RAB3C: variants seen among roughly 807,000 people sequenced by gnomAD.
The protein encoded by RAB3C is ras-related protein Rab-3C.
RAB3C carries 17 observed loss-of-function variants against 26.4 expected under a neutral mutation model. The ratio of observed to expected loss-of-function variants is 0.64; its 90% CI spans 0.44 to 0.97. The LOEUF (loss-of-function observed/expected upper bound fraction) is 0.97. Ranked by LOEUF, RAB3C falls within the 50% of genes least tolerant of loss-of-function variation. The pLI is 0.00. For missense variants in RAB3C, 242 were observed against 281.9 expected, an observed-to-expected ratio of 0.86 and a Z score of 1.01; for synonymous variants, 91 against 95.9, an observed-to-expected ratio of 0.95 and a Z score of 0.30.
chr5:58,830,879 C>CT (rs5868141), intron 4 of RAB3C, among the ~76,000 whole-genome samples: 6 of 150,606 alleles, frequency 4.0e-5, no homozygotes, highest in Non-Finnish European at 8.9e-5. Flanking sequence ...CGCAATAGGT[C>CT]TTTTTTTTTT....
intron 2 of RAB3C, among the ~76,000 whole-genome samples, chr5:58,659,959 A>G (rs1394964226): frequency 6.6e-6 from 1 of 152,104 alleles, no homozygotes; most frequent in Non-Finnish European, 1.5e-5. Context: ...ACATGCCACC[A>G]TGCCTGGCTA....
intron 3 of RAB3C, among the ~76,000 whole-genome samples, chr5:58,733,770 A>G (rs2111933608): frequency 6.6e-6 from 1 of 152,306 alleles, no homozygotes; most frequent in Middle Eastern, 3.4e-3. Context: ...ACTGGGTTTC[A>G]ATTAGAACAT....
At chr5:58,730,213 T>C (rs1197706707) in intron 3 of RAB3C, among the ~76,000 whole-genome samples, 2 of 151,786 alleles carry the variant, frequency 1.3e-5, no homozygotes, top group Non-Finnish European at 2.9e-5. Context: ...CTTATTTATC[T>C]GTATTTCCTT....
At chr5:58,589,904 G>A (rs901156890) in intron 1 of RAB3C, among the ~76,000 whole-genome samples, 2 of 152,186 alleles carry the variant, frequency 1.3e-5, no homozygotes, top group Non-Finnish European at 2.9e-5. Flanking sequence ...GGGTGAAGAT[G>A]AAGAAGGCTG....
intron 3 of RAB3C, among the ~76,000 whole-genome samples, chr5:58,781,114 A>C (rs2112001772): frequency 6.6e-6 from 1 of 152,120 alleles, no homozygotes. Context: ...AACCCCTCTA[A>C]AAATGAATGA....
At chr5:58,759,605 G>A (rs77438855) in intron 3 of RAB3C, among the ~76,000 whole-genome samples, 2,020 of 152,280 alleles carry the variant, frequency 0.013, 19 homozygotes, top group Middle Eastern at 0.071. Flanking sequence ...TATCAAGTTT[G>A]CATTCATACT....
chr5:58,788,430 A>G (rs1742442729), intron 3 of RAB3C: 1 of 152,198 alleles, frequency 6.6e-6, no homozygotes, highest in Admixed American at 6.5e-5. Context: ...GCTGAATTCT[A>G]TTATTTTGAG....
At chr5:58,694,300 A>G (rs1748645725) in intron 2 of RAB3C, among the ~76,000 whole-genome samples, 1 of 152,186 alleles carries the variant, frequency 6.6e-6, no homozygotes, top group South Asian at 2.1e-4. Flanking sequence ...TCCATGGTGT[A>G]TATGTGCCAC....
chr5:58,671,471 G>A lies in RAB3C; in HGVS notation c.252+53601G>A, dbSNP rs182741206. Among the ~76,000 whole-genome samples, 76 of 152,162 alleles carry A rather than the reference G, an allele frequency of 5.0e-4. 1 individual carries two copies. Among genetic ancestry groups the A allele is most frequent in the Admixed American group, 3.6e-3 (55 of 15,274 alleles). The stretch of plus-strand genomic sequence containing the variant: ...AGTTAGGATTCTTACATCAACTTGC[G>A]TATTTTCCAGTGTATTTTCTTGGAT... On this transcript the variant is annotated intron_variant, in intron 2 of 4. Transcript: ENST00000282878.
At chr5:58,662,026 A>C (rs749911261) in intron 2 of RAB3C, among the ~76,000 whole-genome samples, 3 of 150,130 alleles carry the variant, frequency 2.0e-5, no homozygotes, top group Non-Finnish European at 4.4e-5. Context: ...ATTTGATGGA[A>C]TCAGGTCAGG....
chr5:58,774,076 C>T (rs1742078278), intron 3 of RAB3C, among the ~76,000 whole-genome samples: 1 of 152,172 alleles, frequency 6.6e-6, no homozygotes, highest in Non-Finnish European at 1.5e-5. Context: ...CTTGCTCTGA[C>T]ATCACTGAGA....
intron 2 of RAB3C, among the ~76,000 whole-genome samples, chr5:58,675,219 A>C (rs1171381737): frequency 6.6e-6 from 1 of 151,650 alleles, no homozygotes; most frequent in African/African-American, 2.4e-5. Flanking sequence ...GTATCCTGTT[A>C]TTTTCAGCTC....
rs1748646538 is a variant in RAB3C, at chr5:58,694,334, T to G, written c.253-31668T>G. 2.6e-5 allele frequency among the ~76,000 whole-genome samples: 4 copies of G among 152,350 alleles called. No homozygotes were observed. The South Asian group carries it at 8.3e-4, about 32-fold the overall frequency. On this transcript the variant is annotated intron_variant, in intron 2 of 4. Transcript: ENST00000282878. ...ACATTTTCTTAATCTAGTCTATCAT[T>G]GATGGACATTTGGGTTGGTTTCAAG...
chr5:58,782,613 A>G (rs1454722371), intron 3 of RAB3C, among the ~76,000 whole-genome samples: 1 of 152,182 alleles, frequency 6.6e-6, no homozygotes, highest in African/African-American at 2.4e-5. Context: ...CAGCCGAAAC[A>G]TGAAAATTAA....
chr5:58,792,884 A>G (rs1014236185), intron 3 of RAB3C, among the ~76,000 whole-genome samples: 1 of 152,022 alleles, frequency 6.6e-6, no homozygotes, highest in South Asian at 2.1e-4. Context: ...ATTGTTAGTA[A>G]TTGTTAGAAT....
At position 58,648,647 on chromosome 5, in the gene RAB3C, A is replaced by G. The variant is rs369573066; in HGVS notation, c.252+30777A>G. ...TATTTCATAGCCTCTAAGAGAGACAAGTCTGAACTTAGAATTTGCTCATCT... is the reference window on the plus strand; with the variant it reads ...TATTTCATAGCCTCTAAGAGAGACAGGTCTGAACTTAGAATTTGCTCATCT... On this transcript the variant is annotated intron_variant, in intron 2 of 4. Coordinates refer to ENST00000282878, the MANE Select transcript of RAB3C (RefSeq NM_138453.4). Among the ~76,000 whole-genome samples, 64 of 152,340 alleles carry G rather than the reference A, an allele frequency of 4.2e-4. No homozygotes were observed. The East Asian group carries it at 0.01, about 25-fold the overall frequency.
rs1252116962 is a variant in RAB3C, at chr5:58,858,657, A to G, written c.*7306A>G. 1 of 152,194 alleles carries G rather than the reference A, an allele frequency of 6.6e-6. No individual in the cohort carries two copies. The highest frequency in any genetic ancestry group is 1.5e-5 in the Non-Finnish European group (1 of 68,036). The allele number at this position is 152,194 out of a possible 1,614,324, so 9.4% of individuals were successfully genotyped here. A position where few individuals can be genotyped will look rare whatever the true frequency, so the allele number is the denominator to read the frequency against. Reference sequence around the variant, plus strand: ...GCCAGGAAAATAAGTGGGAAAGGCCACAGTTATGTTTCCTTTGAATGGAAG... The same window carrying G: ...GCCAGGAAAATAAGTGGGAAAGGCCGCAGTTATGTTTCCTTTGAATGGAAG... On this transcript the variant is annotated 3_prime_UTR_variant, in exon 5 of 5. Transcript: ENST00000282878.
At position 58,797,354 on chromosome 5, in the gene RAB3C, ATATGTATATATATAATATATAT is replaced by A. The variant is rs1333130084; in HGVS notation, c.372-27683_372-27662del. On this transcript the variant is annotated intron_variant, in intron 3 of 4. Transcript: ENST00000282878. The stretch of plus-strand genomic sequence containing the variant: ...CCCTGGAAGACAAAAAAAAAAAAAA[ATATGTATATATATAATATATAT>A]ATATATATATATATATATATACACA... Among the ~76,000 whole-genome samples, 149 of 58,230 alleles carry A rather than the reference ATATGTATATATATAATATATAT, an allele frequency of 2.6e-3. 5 individuals are homozygous for A. Among genetic ancestry groups the A allele is most frequent in the African/African-American group, 1.0e-2 (133 of 13,312 alleles). 38.2% of individuals were successfully genotyped at this position (58,230 alleles called of 152,430 possible). A position where few individuals can be genotyped will look rare whatever the true frequency, so the allele number is the denominator to read the frequency against.
chr5:58,606,583 G>A (rs1746576803), intron 1 of RAB3C, among the ~76,000 whole-genome samples: 1 of 152,202 alleles, frequency 6.6e-6, no homozygotes, highest in Non-Finnish European at 1.5e-5. Context: ...TGGACAGGCT[G>A]CCTCTTCAAG....
Sources: allele counts gnomAD v4.1 joint callset (sites outside exome capture counted in the v4.1 genomes callset), GRCh38; gene constraint gnomAD v4.1.1; transcripts MANE v1.5; gene names NCBI Gene and HGNC (gene_info 2026-07-23, HGNC 2026-07-21).